SORBS2: variants seen among roughly 807,000 people sequenced by gnomAD.
SORBS2 encodes the protein sorbin and SH3 domain containing 2.
Under a neutral mutation model 97.7 loss-of-function variants are expected in SORBS2, and 46 were observed. The ratio of observed to expected loss-of-function variants is 0.47; its 90% CI spans 0.37 to 0.60. The LOEUF (loss-of-function observed/expected upper bound fraction) is 0.60. Ranked by LOEUF, SORBS2 falls within the 20% of genes least tolerant of loss-of-function variation. SORBS2 has a pLI of 0.00. For synonymous variants in SORBS2, 476 were observed against 473.4 expected (o/e 1.01, Z -0.07); for missense variants, 1,316 against 1,282.3 (o/e 1.03, Z -0.40).
intron 3 of SORBS2, 71 bp downstream of exon 6, chr4:185,678,725 G>A (rs999199691): frequency 5.1e-5 from 60 of 1,174,566 alleles, no homozygotes; most frequent in Non-Finnish European, 6.4e-5. Context: ...TGAAGTCAGC[G>A]ATGTGGCTAT....
chr4:185,593,758 G>A (rs983342220), intron 13 of SORBS2, 128 bp downstream of exon 25: 5 of 662,162 alleles, frequency 7.6e-6, no homozygotes, highest in South Asian at 1.9e-5. Flanking sequence ...ACAATTTCTC[G>A]TAATTTAAGA....
chr4:185,722,362 T>C (rs1450988629), intron 2 of SORBS2, among the ~76,000 whole-genome samples: 1 of 152,254 alleles, frequency 6.6e-6, no homozygotes, highest in Non-Finnish European at 1.5e-5. Flanking sequence ...TGATAAATTA[T>C]GTTAATTCTA....
Position 185,764,364 on chromosome 4 carries a change from C to T in SORBS2, c.-198+10863G>A, listed in dbSNP as rs151102429. Among the ~76,000 whole-genome samples, 149 of 152,260 alleles carry T rather than the reference C, an allele frequency of 9.8e-4. 2 individuals carry two copies. The highest frequency in any genetic ancestry group is 3.4e-3 in the Middle Eastern group (1 of 294). ...TATAAATTTTCATAAAACATAATGA[C>T]AAACTATTTGATAACTTAAAGAGTA... On this transcript the variant is annotated intron_variant, in intron 2 of 20. Transcript: ENST00000284776.
chr4:185,857,446 A>C (rs569650925), intron 1 of SORBS2, among the ~76,000 whole-genome samples: 62 of 152,160 alleles, frequency 4.1e-4, no homozygotes, highest in African/African-American at 1.5e-3. Flanking sequence ...TGTTTGTAAA[A>C]CATGTGTGTT....
chr4:185,937,169 C>CAGTG (rs75789532), intron 1 of SORBS2, among the ~76,000 whole-genome samples: 8,703 of 151,648 alleles, frequency 0.057, 377 homozygotes, highest in African/African-American at 0.13. Context: ...GTGCTTCTGC[C>CAGTG]AGTGAGTGAG....
chr4:185,665,344 G>A (rs2097580690), intron 4 of SORBS2, among the ~76,000 whole-genome samples: 1 of 152,302 alleles, frequency 6.6e-6, no homozygotes, highest in South Asian at 2.1e-4. Context: ...ACATTAATGT[G>A]AGTCTGTGAG....
At chr4:185,721,130 C>T (rs1455737918) in intron 2 of SORBS2, among the ~76,000 whole-genome samples, 1 of 134,876 alleles carries the variant, frequency 7.4e-6, no homozygotes, top group Admixed American at 7.9e-5. Flanking sequence ...ACTCTGTCGC[C>T]CTGGCTGTGA....
At chr4:185,632,965 T>C (rs1183475142) in intron 4 of SORBS2, among the ~76,000 whole-genome samples, 11 of 152,188 alleles carry the variant, frequency 7.2e-5, no homozygotes, top group Admixed American at 6.5e-4. Flanking sequence ...TTGTAAGAAG[T>C]GTACTCATCC....
chr4:185,843,385 A>G (rs2099212766), intron 1 of SORBS2, among the ~76,000 whole-genome samples: 1 of 152,324 alleles, frequency 6.6e-6, no homozygotes, highest in African/African-American at 2.4e-5. Flanking sequence ...CAGGATATAT[A>G]TAGAATAAAA....
intron 14 of SORBS2, among the ~76,000 whole-genome samples, chr4:185,588,683 C>T (rs1224558359): frequency 1.4e-5 from 2 of 146,084 alleles, no homozygotes; most frequent in African/African-American, 4.9e-5. Flanking sequence ...GGCATGATCT[C>T]GGCTCACTGC....
chr4:185,899,644 G>T (rs1245802394), intron 1 of SORBS2, among the ~76,000 whole-genome samples: 2 of 152,134 alleles, frequency 1.3e-5, no homozygotes, highest in Non-Finnish European at 2.9e-5. Flanking sequence ...CCAGAGCCAA[G>T]ATTGTCTAGT....
chr4:185,658,176 C>T (rs1451210447), upstream of SORBS2, among the ~76,000 whole-genome samples: 1 of 152,138 alleles, frequency 6.6e-6, no homozygotes, highest in Non-Finnish European at 1.5e-5. Context: ...GACATGAAAG[C>T]TTCTGAATAA....
At chr4:185,793,932 G>A (rs1016868859) in intron 1 of SORBS2, among the ~76,000 whole-genome samples, 4 of 152,186 alleles carry the variant, frequency 2.6e-5, no homozygotes, top group African/African-American at 9.7e-5. Flanking sequence ...CTGGGCCTTG[G>A]TCCCCGCAGG....
chr4:185,596,530 CTTTTTTTTTTTT>C (rs58831094), intron 12 of SORBS2, among the ~76,000 whole-genome samples: 3 of 77,432 alleles, frequency 3.9e-5, no homozygotes, highest in African/African-American at 1.7e-4. Flanking sequence ...ACCGTCCTTG[CTTTTTTTTTTTT>C]TTTTTTTTTT....
intron 4 of SORBS2, among the ~76,000 whole-genome samples, chr4:185,645,397 T>C (rs80069403): frequency 6.7e-6 from 1 of 150,350 alleles, no homozygotes; most frequent in Non-Finnish European, 1.5e-5. Context: ...AAATCAGTGA[T>C]TTTTTTTTTC....
At chr4:185,823,841 G>C (rs2099198236) in intron 1 of SORBS2, among the ~76,000 whole-genome samples, 1 of 152,132 alleles carries the variant, frequency 6.6e-6, no homozygotes, top group South Asian at 2.1e-4. Flanking sequence ...AAATCAACAA[G>C]TCAGGCTGGT....
At chr4:185,614,143 T>A (rs967517847) in intron 11 of SORBS2, among the ~76,000 whole-genome samples, 1 of 150,590 alleles carries the variant, frequency 6.6e-6, no homozygotes, top group African/African-American at 2.5e-5. Flanking sequence ...AAAGAGGTTT[T>A]TGATTGTTTT....
At chr4:185,897,012 G>T (rs2099245377) in intron 1 of SORBS2, among the ~76,000 whole-genome samples, 1 of 152,108 alleles carries the variant, frequency 6.6e-6, no homozygotes, top group Non-Finnish European at 1.5e-5. Flanking sequence ...GGAGGCTCAG[G>T]AAACAGTACC....
chr4:185,664,728 TA>T (rs960514578), intron 4 of SORBS2, among the ~76,000 whole-genome samples: 2 of 152,226 alleles, frequency 1.3e-5, no homozygotes, highest in Non-Finnish European at 2.9e-5. Context: ...TGTAGTGTCT[TA>T]AAAAACATAT....
Sources: allele counts gnomAD v4.1 joint callset (sites outside exome capture counted in the v4.1 genomes callset), GRCh38; gene constraint gnomAD v4.1.1; transcripts MANE v1.5; gene names NCBI Gene and HGNC (gene_info 2026-07-23, HGNC 2026-07-21).